Variants in FADS1 observed in about 807,000 individuals in gnomAD.
FADS1 encodes fatty acid desaturase 1.
A neutral mutation model predicts 61.6 loss-of-function variants in FADS1; 17 were observed. The observed-to-expected ratio is 0.28, with a 90% CI of 0.19 to 0.41. The LOEUF (loss-of-function observed/expected upper bound fraction) is 0.41. FADS1 is among the 10% of genes least tolerant of loss of function. FADS1 has a pLI of 1.00. For synonymous variants in FADS1, 238 were observed against 258.7 expected, an observed-to-expected ratio of 0.92 and a Z score of 0.77; for missense variants, 387 against 650.9, an observed-to-expected ratio of 0.59 and a Z score of 4.41.
At position 61,803,520 on chromosome 11, in the gene FADS1, C is replaced by A; in HGVS notation, c.1152-61G>T. ...ACAGAGCCCAGAATTCTGATTCCCC[C>A]CTCAGATAACTGCTCCAGCCTGTCT... On this transcript the variant is annotated intron_variant, in intron 8 of 11. Transcript: ENST00000350997. The surrounding 1 kb of genome is among the most constrained non-coding windows in gnomAD (Gnocchi z 4.3). 2 of 1,434,250 alleles carry A rather than the reference C, an allele frequency of 1.4e-6. No individual in the cohort carries two copies. The highest frequency in any genetic ancestry group is 2.0e-6 in the Non-Finnish European group (2 of 1,016,154). The allele number at this position is 1,434,250 out of a possible 1,614,324, so 88.8% of individuals were successfully genotyped here. A position where few individuals can be genotyped will look rare whatever the true frequency, so the allele number is the denominator to read the frequency against.
intron 3 of FADS1, 72 bp from the exon 4 acceptor site, chr11:61,811,147 C>T: frequency 9.3e-7 from 1 of 1,075,548 alleles, no homozygotes; most frequent in Non-Finnish European, 1.4e-6. Context: ...TCGATGCCTC[C>T]TTCAGCCTCT....
At chr11:61,812,719 T>C (rs751201625) in intron 2 of FADS1, 51 bp from the exon 3 acceptor site, 1 of 1,536,932 alleles carries the variant, frequency 6.5e-7, no homozygotes, top group Non-Finnish European at 8.9e-7. Context: ...ACCCCAATGC[T>C]ACTGGAGACA....
rs1347016997 is a variant in FADS1, at chr11:61,810,816, G to A, written c.850C>T (p.Arg284Cys). 9 of 1,614,068 alleles carry A rather than the reference G, an allele frequency of 5.6e-6. No individual in the cohort carries two copies. Among genetic ancestry groups the A allele is most frequent in the Admixed American group, 1.7e-5 (1 of 60,008 alleles). ...TGCATGTTGATGTCTGGGTCTTTGC[G>A]GAAGCAGTTGGGCTTGGCATGGTGC... ...FQHHAKPNCF[R>C]KDPDINMHPF... is the part of the protein sequence containing the mutation. The change falls in exon 5 of 12, where the codon CGC (arginine) becomes TGC (cysteine). Residue 284 changes from arginine to cysteine, a missense_variant. Around this residue, in one of 2 missense-constraint regions of FADS1, gnomAD observed 257 missense variants for 533.3 expected, o/e 0.48. Transcript: ENST00000350997.
chr11:61,813,394 C>T (rs1176816020), intron 1 of FADS1, 41 bp from the exon 2 acceptor site: 2 of 1,194,402 alleles, frequency 1.7e-6, no homozygotes, highest in African/African-American at 3.0e-5. Context: ...GGGAGCCAGC[C>T]CCCTGGACTC....
chr11:61,800,196 G>GTT lies in FADS1; in HGVS notation c.*2213_*2214dup, dbSNP rs1244754734. 1.5e-4 allele frequency: 22 copies of GTT among 143,632 alleles called. No individual in the cohort carries two copies. The highest frequency in any genetic ancestry group is 4.1e-4 in the African/African-American group (16 of 39,322). 8.9% of individuals were successfully genotyped at this position (143,632 alleles called of 1,614,324 possible). A position where few individuals can be genotyped will look rare whatever the true frequency, so the allele number is the denominator to read the frequency against. On this transcript the variant is annotated 3_prime_UTR_variant, in exon 12 of 12. Coordinates refer to ENST00000350997, the MANE Select transcript of FADS1 (RefSeq NM_013402.7). ...AACTCCTCAATTCTAAGTTTTTGTT[G>GTT]TTTTTTTTTTTTTTGAGACAGGGTC...
At position 61,808,564 on chromosome 11, in the gene FADS1, C is replaced by G. The variant is rs370701252; in HGVS notation, c.916-1840G>C. Among the ~76,000 whole-genome samples the G allele has an allele frequency of 6.6e-5, 10 of 152,300 alleles. No homozygotes were observed. The East Asian group carries it at 1.7e-3, about 26-fold the overall frequency. ...GGACACTGCCCTAAATAGAACCCTT[C>G]TGACCACCAAGGGTCTAAACATAAT... is the stretch of plus-strand genomic sequence containing the variant. On this transcript the variant is annotated intron_variant, in intron 5 of 11. Transcript: ENST00000350997.
In FADS1 at chr11:61,803,589, C is replaced by A. The variant is rs2066872596; in HGVS notation, c.1151+81G>T. The stretch of plus-strand genomic sequence containing the variant: ...CTGAAACACCCACTGTTACCCAAAG[C>A]CCCAGCACGGCCCCTAGACCAGACT... On this transcript the variant is annotated intron_variant, in intron 8 of 11. Coordinates refer to ENST00000350997, the MANE Select transcript of FADS1 (RefSeq NM_013402.7). This position sits in a 1 kb window ranked among gnomAD's most constrained non-coding sequence, Gnocchi z 4.3. The A allele has an allele frequency of 2.9e-6, 4 of 1,388,252 alleles. No individual in the cohort carries two copies. In the Admixed American group the frequency reaches 6.7e-5, roughly 23 times the overall value. The allele number at this position is 1,388,252 out of a possible 1,614,324, so 86.0% of individuals were successfully genotyped here. A position where few individuals can be genotyped will look rare whatever the true frequency, so the allele number is the denominator to read the frequency against.
intron 1 of FADS1, chr11:61,813,700 T>C (rs2066948658): frequency 4.9e-6 from 1 of 204,606 alleles, no homozygotes; most frequent in Non-Finnish European, 9.7e-6. Flanking sequence ...GCGCGGTGGC[T>C]CACGCCTGTA....
In FADS1 at chr11:61,801,882, ATT is replaced by A. The variant is rs34397549; in HGVS notation, c.*527_*528del. ...CTGAGCTCACCTTTTATATGAGTGG[ATT>A]TTTTTTTTTTTTTTGAAATGGAGTC... is the stretch of plus-strand genomic sequence containing the variant. On this transcript the variant is annotated 3_prime_UTR_variant, in exon 12 of 12. Transcript: ENST00000350997. 29 of 143,574 alleles carry A rather than the reference ATT, an allele frequency of 2.0e-4. No individual in the cohort carries two copies. The highest frequency in any genetic ancestry group is 4.1e-4 in the East Asian group (2 of 4,916). The allele number at this position is 143,574 out of a possible 1,614,324, so 8.9% of individuals were successfully genotyped here. A position where few individuals can be genotyped will look rare whatever the true frequency, so the allele number is the denominator to read the frequency against.
chr11:61,816,651 T>A lies in FADS1; in HGVS notation c.279A>T (p.Leu93=). 4 of 1,602,158 alleles carry A rather than the reference T, an allele frequency of 2.5e-6. No homozygotes were observed. The highest frequency in any genetic ancestry group is 3.4e-6 in the Non-Finnish European group (4 of 1,175,230). ...TGTTGTACACCTTACGGTCGATCAC[T>A]AGCCACCGCTCCTCGCACCCTGAGC... The part of the protein sequence containing the change: ...AQRSGCEERW[L]VIDRKVYNIS... Residue 93 remains leucine (L), a synonymous_variant, in exon 1 of 12, where the codon CTA becomes CTT. Coordinates refer to ENST00000350997, the MANE Select transcript of FADS1 (RefSeq NM_013402.7). This position sits in a 1 kb window ranked among gnomAD's most constrained non-coding sequence, Gnocchi z 7.0.
rs1414667451 is a variant in FADS1 at position 61,815,927 on chromosome 11, G to A, written c.375+628C>T. 1 of 331,398 alleles carries A rather than the reference G, an allele frequency of 3.0e-6. No individual in the cohort carries two copies. Among genetic ancestry groups the A allele is most frequent in the Non-Finnish European group, 5.7e-6 (1 of 176,984 alleles). 20.5% of individuals were successfully genotyped at this position (331,398 alleles called of 1,614,324 possible). On this transcript the variant is annotated intron_variant, in intron 1 of 11. Coordinates refer to ENST00000350997, the MANE Select transcript of FADS1 (RefSeq NM_013402.7). This position sits in a 1 kb window ranked among gnomAD's most constrained non-coding sequence, Gnocchi z 6.4. Reference sequence around the variant, plus strand: ...ATGCCATTCCCAATCCCTTATGTACGCCAGCGGCCGCTTGCCCTCCCCGGC... The same window carrying A: ...ATGCCATTCCCAATCCCTTATGTACACCAGCGGCCGCTTGCCCTCCCCGGC...
intron 6 of FADS1, chr11:61,806,365 A>AAT: frequency 3.1e-6 from 1 of 318,914 alleles, no homozygotes. Context: ...AAAAAAAAAA[A>AAT]GATAAGGTTG....
chr11:61,804,023 C>T, intron 7 of FADS1: 1 of 537,842 alleles, frequency 1.9e-6, no homozygotes, highest in Non-Finnish European at 3.3e-6. Context: ...CTAGCTCTTC[C>T]TAGCCAATCT....
At chr11:61,813,893 G>GC (rs1026820795) in intron 1 of FADS1, among the ~76,000 whole-genome samples, 2 of 151,382 alleles carry the variant, frequency 1.3e-5, no homozygotes, top group Admixed American at 1.3e-4. Context: ...TGAACCCCGG[G>GC]GGAGGGCGGA....
At position 61,801,073 on chromosome 11, in the gene FADS1, A is replaced by T. The variant is rs776497901; in HGVS notation, c.*1338T>A. The T allele has an allele frequency of 7.2e-5, 11 of 152,380 alleles. No individual in the cohort carries two copies. The highest frequency in any genetic ancestry group is 1.5e-4 in the Non-Finnish European group (10 of 68,034). The allele number at this position is 152,380 out of a possible 1,614,324, so 9.4% of individuals were successfully genotyped here. A position where few individuals can be genotyped will look rare whatever the true frequency, so the allele number is the denominator to read the frequency against. ...AATCACAAACTGTTCTGTGGTTTTA[A>T]TCTTCCTATTTCTGATTTAGAAGTA... is the stretch of plus-strand genomic sequence containing the variant. On this transcript the variant is annotated 3_prime_UTR_variant, in exon 12 of 12. Coordinates refer to ENST00000350997, the MANE Select transcript of FADS1 (RefSeq NM_013402.7).
intron 2 of FADS1, 125 bp downstream of exon 2, chr11:61,813,118 A>C: frequency 5.4e-6 from 4 of 743,476 alleles, no homozygotes; most frequent in Non-Finnish European, 9.6e-6. Flanking sequence ...AGGGACCTCA[A>C]GACTCCCCAG....
At chr11:61,814,205 C>T (rs1453175607) in intron 1 of FADS1, 5 of 152,672 alleles carry the variant, frequency 3.3e-5, no homozygotes, top group Admixed American at 6.5e-5. Flanking sequence ...AAGGAACCAA[C>T]TCCTGACACA....
rs1013893023 is a variant in FADS1 at position 61,802,603 on chromosome 11, G to A, written c.1455-141C>T. The A allele has an allele frequency of 4.2e-6, 5 of 1,196,642 alleles. No homozygotes were observed. The Admixed American group carries it at 8.1e-5, about 19-fold the overall frequency. 74.1% of individuals were successfully genotyped at this position (1,196,642 alleles called of 1,614,324 possible). Reference sequence around the variant, plus strand: ...TTAGAGAAAGCTAGCTTGGGCCATGGTACTGAGGGGAACCCCAATGAGGGC... The same window carrying A: ...TTAGAGAAAGCTAGCTTGGGCCATGATACTGAGGGGAACCCCAATGAGGGC... On this transcript the variant is annotated intron_variant, in intron 11 of 11. Transcript: ENST00000350997. This position sits in a 1 kb window ranked among gnomAD's most constrained non-coding sequence, Gnocchi z 4.2.
In FADS1 at chr11:61,816,166, C is replaced by A; in HGVS notation, c.375+389G>T. ...ATCGAGACAGGATGTGACTCCCTCC[C>A]CTGGCCACTGACCCCCTCCCTCCCC... On this transcript the variant is annotated intron_variant, in intron 1 of 11. Coordinates refer to ENST00000350997, the MANE Select transcript of FADS1 (RefSeq NM_013402.7). The surrounding 1 kb of genome is among the most constrained non-coding windows in gnomAD (Gnocchi z 7.0). 8.3e-7 allele frequency: 1 copy of A among 1,198,260 alleles called. No homozygotes were observed. Among genetic ancestry groups the A allele is most frequent in the South Asian group, 1.4e-5 (1 of 69,704 alleles). The allele number at this position is 1,198,260 out of a possible 1,614,324, so 74.2% of individuals were successfully genotyped here.
Sources: allele counts gnomAD v4.1 joint callset (sites outside exome capture counted in the v4.1 genomes callset), GRCh38; gene constraint gnomAD v4.1.1; regional missense constraint gnomAD v4.1.1; non-coding constraint Gnocchi (gnomAD v3.1); transcripts MANE v1.5; gene names NCBI Gene and HGNC (gene_info 2026-07-23, HGNC 2026-07-21).